The following GALNT7 variants were observed in gnomAD, a reference collection of about 807,000 sequenced individuals.
The protein encoded by GALNT7 is N-acetylgalactosaminyltransferase 7.
A neutral mutation model predicts 82.1 loss-of-function variants in GALNT7; 60 were observed. That is an observed-to-expected ratio of 0.73 (90% CI 0.59 to 0.91). The LOEUF (loss-of-function observed/expected upper bound fraction) is 0.91. Ranked by LOEUF, GALNT7 falls within the 40% of genes least tolerant of loss-of-function variation. GALNT7 has a pLI of 0.00. For missense variants in GALNT7, 660 were observed against 804.2 expected, an observed-to-expected ratio of 0.82 and a Z score of 2.17; for synonymous variants, 243 against 275.1, an observed-to-expected ratio of 0.88 and a Z score of 1.15.
rs867450426 is a variant in GALNT7 at position 173,308,748 on chromosome 4, C to A, written c.1389+4630C>A. Among the ~76,000 whole-genome samples the A allele has an allele frequency of 5.9e-5, 9 of 152,204 alleles. No individual in the cohort carries two copies. The South Asian group carries it at 1.7e-3, about 28-fold the overall frequency. On this transcript the variant is annotated intron_variant, in intron 8 of 11. Transcript: ENST00000265000. ...TGAAACCCAGTCTGTACTAAAAATACAAAAATTAGCTGGGTGTGGTGGTGG... is the reference window on the plus strand; with the variant it reads ...TGAAACCCAGTCTGTACTAAAAATAAAAAAATTAGCTGGGTGTGGTGGTGG...
chr4:173,284,244 T>A (rs948448831), intron 2 of GALNT7, among the ~76,000 whole-genome samples: 11 of 152,202 alleles, frequency 7.2e-5, no homozygotes, highest in African/African-American at 2.7e-4. Flanking sequence ...TATAAACCAT[T>A]TTTTGAAGAA....
At chr4:173,261,550 C>T (rs922128954) in intron 2 of GALNT7, among the ~76,000 whole-genome samples, 15 of 152,338 alleles carry the variant, frequency 9.8e-5, no homozygotes, top group African/African-American at 3.4e-4. Flanking sequence ...GGCATGGCAG[C>T]TCACGCCTGT....
chr4:173,174,529 T>C (rs1446045039), intron 1 of GALNT7, among the ~76,000 whole-genome samples: 1 of 152,274 alleles, frequency 6.6e-6, no homozygotes. Context: ...AGAATTGTTG[T>C]ATTTATCACT....
chr4:173,204,668 A>C (rs1733033927), intron 1 of GALNT7, among the ~76,000 whole-genome samples: 1 of 152,100 alleles, frequency 6.6e-6, no homozygotes, highest in Non-Finnish European at 1.5e-5. Context: ...ATTTTAAAAG[A>C]TACTTTCATT....
chr4:173,206,219 C>T (rs1733092535), intron 1 of GALNT7, among the ~76,000 whole-genome samples: 1 of 152,330 alleles, frequency 6.6e-6, no homozygotes, highest in South Asian at 2.1e-4. Context: ...TTTCTCTCTC[C>T]TTCCCCCATA....
chr4:173,194,492 A>G (rs1252880251), intron 1 of GALNT7, among the ~76,000 whole-genome samples: 1 of 152,244 alleles, frequency 6.6e-6, no homozygotes, highest in Non-Finnish European at 1.5e-5. Flanking sequence ...GGAATTTATC[A>G]TGTTCACAAA....
At chr4:173,220,626 T>C (rs1351752492) in intron 1 of GALNT7, among the ~76,000 whole-genome samples, 1 of 151,500 alleles carries the variant, frequency 6.6e-6, no homozygotes, top group Non-Finnish European at 1.5e-5. Flanking sequence ...GCATTAGGTA[T>C]ATCTTCCAGT....
At chr4:173,239,214 G>A (rs990259693) in intron 1 of GALNT7, among the ~76,000 whole-genome samples, 5 of 152,146 alleles carry the variant, frequency 3.3e-5, no homozygotes, top group Non-Finnish European at 7.4e-5. Context: ...AGATTTGTAG[G>A]GAAATAATGT....
chr4:173,290,853 A>G (rs1736506335), intron 2 of GALNT7, among the ~76,000 whole-genome samples: 1 of 152,212 alleles, frequency 6.6e-6, no homozygotes, highest in South Asian at 2.1e-4. Context: ...ATTATGCTCT[A>G]TTCCAGCTCT....
chr4:173,231,975 A>C (rs1196247684), intron 1 of GALNT7, among the ~76,000 whole-genome samples: 3 of 152,170 alleles, frequency 2.0e-5, no homozygotes, highest in South Asian at 2.1e-4. Flanking sequence ...ATTGAGTAGA[A>C]ATTCATAAGA....
At chr4:173,176,581 G>A (rs1431615374) in intron 1 of GALNT7, among the ~76,000 whole-genome samples, 1 of 152,136 alleles carries the variant, frequency 6.6e-6, no homozygotes, top group South Asian at 2.1e-4. Flanking sequence ...AATTGTGCTG[G>A]GTAAGACAAA....
intron 8 of GALNT7, among the ~76,000 whole-genome samples, chr4:173,306,842 G>A (rs1737171816): frequency 2.6e-5 from 4 of 152,256 alleles, no homozygotes; most frequent in Non-Finnish European, 4.4e-5. Context: ...GTGGTATTAT[G>A]TCCTCTTCAT....
chr4:173,279,965 CTCTG>C, intron 2 of GALNT7, among the ~76,000 whole-genome samples: 1 of 151,770 alleles, frequency 6.6e-6, no homozygotes, highest in East Asian at 1.9e-4. Context: ...TAGAGCGAGA[CTCTG>C]TCTCAATAAA....
At chr4:173,211,909 G>GT (rs1319853209) in intron 1 of GALNT7, among the ~76,000 whole-genome samples, 1 of 152,218 alleles carries the variant, frequency 6.6e-6, no homozygotes, top group Non-Finnish European at 1.5e-5. Flanking sequence ...CAGCCTGTCA[G>GT]TTTTCAAAGT....
intron 1 of GALNT7, among the ~76,000 whole-genome samples, chr4:173,180,949 C>T (rs190855924): frequency 5.3e-4 from 80 of 152,256 alleles, no homozygotes; most frequent in South Asian, 1.7e-3. Context: ...TTTACATCTT[C>T]GTTTGAAAGG....
At chr4:173,317,876 A>T (rs1035150514) in intron 10 of GALNT7, 144 bp downstream of exon 10, 8 of 611,632 alleles carry the variant, frequency 1.3e-5, no homozygotes, top group African/African-American at 3.7e-5. Context: ...AAAAAAATTG[A>T]CAGTGTTAAA....
At chr4:173,309,207 C>G (rs1737282576) in intron 8 of GALNT7, among the ~76,000 whole-genome samples, 1 of 152,202 alleles carries the variant, frequency 6.6e-6, no homozygotes, top group Admixed American at 6.5e-5. Context: ...GGCTTCTTTC[C>G]CAGTCACACG....
intron 2 of GALNT7, among the ~76,000 whole-genome samples, chr4:173,252,313 A>G (rs1734876670): frequency 6.6e-6 from 1 of 152,184 alleles, no homozygotes; most frequent in Non-Finnish European, 1.5e-5. Context: ...CCGCTTCAGA[A>G]CACAGGCCCT....
chr4:173,229,756 TCTC>T (rs1214205381), intron 1 of GALNT7, among the ~76,000 whole-genome samples: 3 of 152,180 alleles, frequency 2.0e-5, no homozygotes, highest in African/African-American at 7.2e-5. Flanking sequence ...TCTTCTACCT[TCTC>T]CTCATCGTAT....
Sources: allele counts gnomAD v4.1 joint callset (sites outside exome capture counted in the v4.1 genomes callset), GRCh38; gene constraint gnomAD v4.1.1; transcripts MANE v1.5; gene names NCBI Gene and HGNC (gene_info 2026-07-23, HGNC 2026-07-21).